TSGA10: variants seen among roughly 807,000 people sequenced by gnomAD.
The protein encoded by TSGA10 is testis specific 10.
In TSGA10, 43 loss-of-function variants were observed where a neutral mutation model predicts 96.6. The ratio of observed to expected loss-of-function variants is 0.44; its 90% confidence interval spans 0.35 to 0.57. The LOEUF is 0.57. Among genes scored for constraint, TSGA10 ranks in the 20% least tolerant of loss-of-function variants. The pLI, the probability that TSGA10 is intolerant of heterozygous loss-of-function variation, is 0.01. For synonymous variants in TSGA10, 229 were observed against 269.9 expected, an observed-to-expected ratio of 0.85 and a Z score of 1.48; for missense variants, 703 against 834.4, an observed-to-expected ratio of 0.84 and a Z score of 1.94.
intron 20 of TSGA10, among the ~76,000 whole-genome samples, chr2:99,014,028 G>A (rs577090426): frequency 8.5e-5 from 13 of 152,228 alleles, no homozygotes; most frequent in East Asian, 5.8e-4. Flanking sequence ...GGTAGCAGAC[G>A]TCTGTAATCT....
intron 10 of TSGA10, chr2:99,102,399 T>C: frequency 6.2e-7 from 1 of 1,613,822 alleles, no homozygotes. Context: ...AATTAGGGTG[T>C]CATTTACAGG....
intron 11 of TSGA10, among the ~76,000 whole-genome samples, chr2:99,080,206 C>T (rs1195656232): frequency 6.6e-6 from 1 of 152,200 alleles, no homozygotes; most frequent in East Asian, 1.9e-4. Context: ...ACACTCCATT[C>T]AAACTTTTTT....
chr2:99,141,110 C>T (rs1333727685), intron 1 of TSGA10: 1 of 1,284,524 alleles, frequency 7.8e-7, no homozygotes, highest in East Asian at 5.8e-5. Flanking sequence ...TCCCCGGGCT[C>T]CTCGGCCCGC....
At chr2:99,073,099 T>TA (rs199661925) in intron 12 of TSGA10, 26 bp from the exon 13 acceptor site, 2 of 1,424,392 alleles carry the variant, frequency 1.4e-6, no homozygotes, top group South Asian at 1.3e-5. Context: ...AAGTATTAAA[T>TA]AAAAAAATCT....
chr2:99,111,286 T>C (rs1157237309), intron 4 of TSGA10, among the ~76,000 whole-genome samples: 1 of 152,126 alleles, frequency 6.6e-6, no homozygotes, highest in East Asian at 1.9e-4. Context: ...TCAGAAAAGA[T>C]TGCTTTCTCT....
At chr2:99,107,717 A>G (rs191380818) in intron 7 of TSGA10, among the ~76,000 whole-genome samples, 1 of 152,338 alleles carries the variant, frequency 6.6e-6, no homozygotes, top group East Asian at 1.9e-4. Context: ...GTTTTACTGT[A>G]ATACAGCCAA....
Position 99,035,346 on chromosome 2 carries a change from C to T in TSGA10, c.1498G>A (p.Glu500Lys), listed in dbSNP as rs754258487. The T allele has an allele frequency of 1.2e-6, 2 of 1,613,368 alleles. No homozygotes were observed. The highest frequency in any genetic ancestry group is 1.7e-6 in the Non-Finnish European group (2 of 1,179,596). ...AAATCTGCAAGAGCGGACACTTTTT[C>T]AAACTGAACCTTCTGAAGCTCCTCT... is the stretch of plus-strand genomic sequence containing the variant. ...MEEELQKVQF[E>K]KVSALADLSS... Residue 500 changes from glutamate (E) to lysine (K), a missense_variant, in exon 17 of 21, where the codon GAA (glutamate) becomes AAA (lysine). Physicochemically the swap from Glu to Lys is moderately conservative, Grantham distance 56. Around this residue, in one of 3 missense-constraint regions of TSGA10, gnomAD observed 585 missense variants for 656.8 expected, o/e 0.89. Coordinates refer to ENST00000393483, the MANE Select transcript of TSGA10 (RefSeq NM_025244.4).
rs138709520 is a variant in TSGA10, at chr2:99,122,145, T to A, written c.-491-3459A>T. Among the ~76,000 whole-genome samples the A allele has an allele frequency of 8.3e-4, 126 of 152,360 alleles. 2 individuals carry two copies. The highest frequency in any genetic ancestry group is 3.4e-3 in the Middle Eastern group (1 of 294). On this transcript the variant is annotated intron_variant, in intron 2 of 20. Coordinates refer to ENST00000393483, the MANE Select transcript of TSGA10 (RefSeq NM_025244.4). The stretch of plus-strand genomic sequence containing the variant: ...TGTATGTATCTATCCCTCACCAATA[T>A]CACAGTCTTGATTACTGTAGTTATA...
chr2:99,130,696 C>T (rs2093038130), intron 1 of TSGA10, among the ~76,000 whole-genome samples: 1 of 152,034 alleles, frequency 6.6e-6, no homozygotes, highest in African/African-American at 2.4e-5. Flanking sequence ...AAGTCTTTGC[C>T]CATGCCTATG....
In TSGA10 at chr2:99,035,490, A is replaced by T; in HGVS notation, c.1405-51T>A. On this transcript the variant is annotated intron_variant, in intron 16 of 20. Coordinates refer to ENST00000393483, the MANE Select transcript of TSGA10 (RefSeq NM_025244.4). The stretch of plus-strand genomic sequence containing the variant: ...TATGTATACATATATATTAAACTGG[A>T]AGGAAACTATAACATGGAAAAATGA... 7 of 1,284,764 alleles carry T rather than the reference A, an allele frequency of 5.4e-6. No individual in the cohort carries two copies. The South Asian group carries it at 1.1e-4, about 20-fold the overall frequency. 79.6% of individuals were successfully genotyped at this position (1,284,764 alleles called of 1,614,324 possible). A position where few individuals can be genotyped will look rare whatever the true frequency, so the allele number is the denominator to read the frequency against.
intron 16 of TSGA10, among the ~76,000 whole-genome samples, chr2:99,061,665 T>A (rs916116521): frequency 2.0e-5 from 3 of 152,114 alleles, no homozygotes; most frequent in Non-Finnish European, 4.4e-5. Context: ...AATGAAAACT[T>A]ACATGAACGC....
chr2:99,107,305 G>A (rs1334099459), intron 7 of TSGA10, among the ~76,000 whole-genome samples: 3 of 152,156 alleles, frequency 2.0e-5, no homozygotes, highest in African/African-American at 7.2e-5. Context: ...CTAAAGAGGA[G>A]TCCATGGTCT....
intron 4 of TSGA10, among the ~76,000 whole-genome samples, chr2:99,111,437 A>G (rs961606157): frequency 7.2e-5 from 11 of 152,138 alleles, no homozygotes; most frequent in African/African-American, 1.2e-4. Flanking sequence ...TTCCTACAGG[A>G]CAGTGACTAA....
chr2:99,029,431 A>G (rs2080943637), intron 17 of TSGA10, among the ~76,000 whole-genome samples: 1 of 152,166 alleles, frequency 6.6e-6, no homozygotes, highest in Non-Finnish European at 1.5e-5. Context: ...TTAAAAAAAA[A>G]GAAAAGCAAA....
intron 1 of TSGA10, among the ~76,000 whole-genome samples, chr2:99,153,455 C>G (rs573326907): frequency 1.3e-5 from 2 of 152,058 alleles, no homozygotes; most frequent in Admixed American, 6.5e-5. Context: ...TTGAAAGGTT[C>G]CAGTGGAGAA....
chr2:99,085,474 C>T (rs970582793), intron 10 of TSGA10, among the ~76,000 whole-genome samples: 4 of 150,660 alleles, frequency 2.7e-5, no homozygotes, highest in South Asian at 2.1e-4. Context: ...TCAGGCACAG[C>T]GGCACATGTC....
At chr2:99,088,178 T>C (rs894592444) in intron 10 of TSGA10, among the ~76,000 whole-genome samples, 3 of 152,224 alleles carry the variant, frequency 2.0e-5, no homozygotes, top group African/African-American at 4.8e-5. Flanking sequence ...CTAAGAGAGA[T>C]GATAATTCGG....
Position 99,029,945 on chromosome 2 carries a change from A to G in TSGA10, c.1614+5285T>C, listed in dbSNP as rs369732313. ...AAATAATAAAACTGTTCTTATTTTC[A>G]GATATAGTGGTTGTTTACCTAGAAA... On this transcript the variant is annotated intron_variant, in intron 17 of 20. Transcript: ENST00000393483. Among the ~76,000 whole-genome samples, 11 of 152,364 alleles carry G rather than the reference A, an allele frequency of 7.2e-5. No homozygotes were observed. In the East Asian group the frequency reaches 9.6e-4, roughly 13 times the overall value.
intron 11 of TSGA10, among the ~76,000 whole-genome samples, chr2:99,079,379 T>C (rs1162054527): frequency 6.6e-6 from 1 of 152,172 alleles, no homozygotes. Flanking sequence ...CAAGCCAGTG[T>C]CAACGTTGAA....
Sources: allele counts gnomAD v4.1 joint callset (sites outside exome capture counted in the v4.1 genomes callset), GRCh38; gene constraint gnomAD v4.1.1; regional missense constraint gnomAD v4.1.1; transcripts MANE v1.5; gene names NCBI Gene and HGNC (gene_info 2026-07-23, HGNC 2026-07-21).